The following JMJD1C variants were observed in gnomAD, a reference collection of about 807,000 sequenced individuals.
JMJD1C encodes jumonji domain-containing protein 1C.
A neutral mutation model predicts 245.3 loss-of-function variants in JMJD1C; 31 were observed. The ratio of observed to expected loss-of-function variants is 0.13; its 90% CI spans 0.09 to 0.17. JMJD1C has a LOEUF of 0.17. Among genes scored for constraint, JMJD1C ranks in the 10% least tolerant of loss-of-function variants. The pLI is 1.00. For synonymous variants in JMJD1C, 1,057 were observed against 1,017.4 expected, an observed-to-expected ratio of 1.04 and a Z score of -0.74; for missense variants, 2,691 against 3,000.2, an observed-to-expected ratio of 0.90 and a Z score of 2.41.
chr10:63,395,791 CAATA>C (rs753498511), intron 1 of JMJD1C, among the ~76,000 whole-genome samples: 89 of 151,976 alleles, frequency 5.9e-4, no homozygotes, highest in Non-Finnish European at 9.3e-4. Context: ...ATATATGCAA[CAATA>C]AAGATGAATT....
At chr10:63,279,262 A>C (rs1313540680) in intron 2 of JMJD1C, among the ~76,000 whole-genome samples, 1 of 152,248 alleles carries the variant, frequency 6.6e-6, no homozygotes, top group Non-Finnish European at 1.5e-5. Flanking sequence ...AAACAAACAA[A>C]ACAAATTACA....
chr10:63,509,574 C>T (rs1382029073), intron 1 of JMJD1C, among the ~76,000 whole-genome samples: 1 of 152,186 alleles, frequency 6.6e-6, no homozygotes, highest in Non-Finnish European at 1.5e-5. Context: ...ATTGTAGATT[C>T]AGCTTCTTTG....
At chr10:63,471,770 G>A (rs1953498488) in intron 1 of JMJD1C, among the ~76,000 whole-genome samples, 1 of 152,192 alleles carries the variant, frequency 6.6e-6, no homozygotes, top group African/African-American at 2.4e-5. Flanking sequence ...AGGCATGGTA[G>A]CTCTCACCTG....
intron 3 of JMJD1C, among the ~76,000 whole-genome samples, chr10:63,247,216 G>A (rs969234324): frequency 2.0e-5 from 3 of 151,256 alleles, no homozygotes; most frequent in African/African-American, 7.3e-5. Context: ...CTAGACTGAG[G>A]AAAAAAAGGA....
chr10:63,266,282 T>C lies in JMJD1C; in HGVS notation c.334-1518A>G, dbSNP rs567863732. Among the ~76,000 whole-genome samples, 3 of 152,242 alleles carry C rather than the reference T, an allele frequency of 2.0e-5. No individual in the cohort carries two copies. In the South Asian group the frequency reaches 6.2e-4, roughly 32 times the overall value. On this transcript the variant is annotated intron_variant, in intron 2 of 25. Transcript: ENST00000399262. The stretch of plus-strand genomic sequence containing the variant: ...ATTATTTATCAAAATTACTATTATT[T>C]GGGTGAGAAATCACATTTTCAAAAT...
chr10:63,185,503 T>G, intron 20 of JMJD1C, 60 bp downstream of exon 20: 1 of 926,946 alleles, frequency 1.1e-6, no homozygotes, highest in Non-Finnish European at 1.8e-6. Context: ...TTATCCTATC[T>G]CTGGGGACAG....
intron 1 of JMJD1C, among the ~76,000 whole-genome samples, chr10:63,491,047 C>A (rs1293201670): frequency 2.0e-5 from 3 of 152,122 alleles, no homozygotes; most frequent in Non-Finnish European, 2.9e-5. Context: ...ACTGAGATGA[C>A]GAATTGTTGT....
Position 63,189,938 on chromosome 10 carries a change from T to A in JMJD1C, c.6292-492A>T, listed in dbSNP as rs185106320. On this transcript the variant is annotated intron_variant, in intron 17 of 25. Transcript: ENST00000399262. ...GGGAGTCTCACTCTGTTGCCCAGGC[T>A]AGAGTGCAGTGGTGTGATCTCAGCT... Among the ~76,000 whole-genome samples the A allele has an allele frequency of 3.6e-4, 55 of 151,196 alleles. No individual in the cohort carries two copies. The East Asian group carries it at 8.4e-3, about 23-fold the overall frequency.
intron 1 of JMJD1C, among the ~76,000 whole-genome samples, chr10:63,439,355 C>A (rs964582864): frequency 1.8e-4 from 28 of 152,144 alleles, no homozygotes; most frequent in African/African-American, 5.1e-4. Context: ...AGAACCTCCA[C>A]GCAAACCACA....
At chr10:63,313,323 ATTTC>A (rs1939490781) in intron 2 of JMJD1C, among the ~76,000 whole-genome samples, 1 of 152,246 alleles carries the variant, frequency 6.6e-6, no homozygotes, top group African/African-American at 2.4e-5. Flanking sequence ...GTGTGTAAGA[ATTTC>A]TTTATCCACT....
At chr10:63,409,015 T>C (rs964748279) in intron 1 of JMJD1C, among the ~76,000 whole-genome samples, 3 of 152,194 alleles carry the variant, frequency 2.0e-5, no homozygotes, top group Admixed American at 6.5e-5. Context: ...TCCAAAAAAA[T>C]AGTATTTTCC....
intron 1 of JMJD1C, among the ~76,000 whole-genome samples, chr10:63,394,345 A>G (rs1328805448): frequency 6.6e-6 from 1 of 152,212 alleles, no homozygotes; most frequent in Non-Finnish European, 1.5e-5. Context: ...GGAAATGGAT[A>G]GTCTCTTCAA....
intron 1 of JMJD1C, among the ~76,000 whole-genome samples, chr10:63,443,360 G>A (rs1373488559): frequency 6.6e-6 from 1 of 152,102 alleles, no homozygotes. Context: ...CACCCACGCT[G>A]GGATGCAGTG....
chr10:63,445,891 TC>T (rs1554940075), intron 1 of JMJD1C, among the ~76,000 whole-genome samples: 1 of 115,116 alleles, frequency 8.7e-6, no homozygotes, highest in African/African-American at 3.5e-5. Context: ...TTTTTTTTTT[TC>T]CAGACAGAGT....
chr10:63,300,612 C>T (rs1383327408), intron 2 of JMJD1C, among the ~76,000 whole-genome samples: 1 of 152,148 alleles, frequency 6.6e-6, no homozygotes, highest in Non-Finnish European at 1.5e-5. Context: ...CATTAAGAAG[C>T]CTGGCGTGGT....
chr10:63,294,188 G>A (rs1177806687), intron 2 of JMJD1C, among the ~76,000 whole-genome samples: 2 of 151,824 alleles, frequency 1.3e-5, no homozygotes, highest in African/African-American at 4.8e-5. Context: ...TCGTAATTAT[G>A]CGTATCTCAC....
At chr10:63,279,618 A>T (rs937577169) in intron 2 of JMJD1C, among the ~76,000 whole-genome samples, 2 of 152,172 alleles carry the variant, frequency 1.3e-5, no homozygotes, top group Non-Finnish European at 2.9e-5. Context: ...AAAATTTTTA[A>T]ATTAGCTGGG....
intron 1 of JMJD1C, among the ~76,000 whole-genome samples, chr10:63,436,738 T>C (rs907515025): frequency 6.6e-6 from 1 of 152,130 alleles, no homozygotes; most frequent in African/African-American, 2.4e-5. Context: ...TGACTTACCA[T>C]GGCATACTCT....
chr10:63,246,228 C>T (rs948052801), intron 3 of JMJD1C, among the ~76,000 whole-genome samples: 4 of 151,996 alleles, frequency 2.6e-5, no homozygotes, highest in Non-Finnish European at 4.4e-5. Context: ...GTCAGACATA[C>T]CAAACAGATG....
Sources: gnomAD v4.1 joint callset for allele counts (sites outside exome capture counted in the v4.1 genomes callset) on GRCh38, gnomAD v4.1.1 for gene constraint, MANE v1.5 for transcripts, NCBI Gene and HGNC (gene_info 2026-07-23, HGNC 2026-07-21) for gene names.